Variants in MOV10L1 observed in about 807,000 individuals in gnomAD.
The protein encoded by MOV10L1 is RNA helicase Mov10l1.
A neutral mutation model predicts 143.8 loss-of-function variants in MOV10L1; 110 were observed. The ratio of observed to expected loss-of-function variants is 0.76; its 90% CI spans 0.66 to 0.90. The LOEUF is 0.90. Among genes scored for constraint, MOV10L1 ranks in the 40% least tolerant of loss-of-function variants. MOV10L1 has a pLI of 0.00. For synonymous variants in MOV10L1, 593 were observed against 581.1 expected, an observed-to-expected ratio of 1.02 and a Z score of -0.29; for missense variants, 1,406 against 1,526.8, an observed-to-expected ratio of 0.92 and a Z score of 1.32.
At chr22:50,106,514 G>A (rs900997821) in intron 3 of MOV10L1, among the ~76,000 whole-genome samples, 1 of 151,374 alleles carries the variant, frequency 6.6e-6, no homozygotes, top group South Asian at 2.1e-4. Context: ...TAAAGTAACT[G>A]TACAACGTAT....
chr22:50,101,914 A>T (rs2061754544), intron 3 of MOV10L1, among the ~76,000 whole-genome samples: 1 of 152,166 alleles, frequency 6.6e-6, no homozygotes, highest in Non-Finnish European at 1.5e-5. Flanking sequence ...AGTTCTGGGG[A>T]AAGGCGCCTA....
chr22:50,137,239 A>G, intron 15 of MOV10L1, among the ~76,000 whole-genome samples: 1 of 152,222 alleles, frequency 6.6e-6, no homozygotes, highest in African/African-American at 2.4e-5. Flanking sequence ...AGACAAGGAC[A>G]TTAAAACAGT....
At chr22:50,135,548 C>T (rs949583937) in intron 15 of MOV10L1, among the ~76,000 whole-genome samples, 2 of 151,612 alleles carry the variant, frequency 1.3e-5, no homozygotes, top group Non-Finnish European at 2.9e-5. Flanking sequence ...ATCAGGAGTT[C>T]AAGACCAGCC....
At chr22:50,144,282 C>T (rs1260456076) in intron 18 of MOV10L1, 39 bp downstream of exon 18, 3 of 1,566,392 alleles carry the variant, frequency 1.9e-6, no homozygotes, top group Admixed American at 1.7e-5. Flanking sequence ...CACCAGAACC[C>T]CTCCCTGGAA....
intron 15 of MOV10L1, among the ~76,000 whole-genome samples, chr22:50,136,264 C>G (rs1356382820): frequency 6.6e-6 from 1 of 152,044 alleles, no homozygotes; most frequent in Non-Finnish European, 1.5e-5. Context: ...CGGGGAGAGT[C>G]TGTGGTGCAG....
chr22:50,137,795 CATATTTTATATATATACATATATAAAT>C (rs1427661879), intron 15 of MOV10L1, among the ~76,000 whole-genome samples: 9 of 90,772 alleles, frequency 9.9e-5, no homozygotes, highest in Non-Finnish European at 1.9e-4. Context: ...TATAAATATA[CATATTTTATATATATACATATATAAAT>C]ATACATATTT....
rs1229838071 is a variant in MOV10L1 at position 50,120,540 on chromosome 22, A to T, written c.1493A>T (p.Tyr498Phe). 1 of 1,612,978 alleles carries T rather than the reference A, an allele frequency of 6.2e-7. No homozygotes were observed. Among genetic ancestry groups the T allele is most frequent in the Non-Finnish European group, 8.5e-7 (1 of 1,179,598 alleles). The change falls in exon 10 of 27, where the codon TAT becomes TTT. Residue 498 changes from tyrosine to phenylalanine, a missense_variant. Physicochemically the swap from Tyr to Phe is conservative, Grantham distance 22. Coordinates refer to ENST00000262794, the MANE Select transcript of MOV10L1 (RefSeq NM_018995.3). ...CAACTTCCAAGTTTTCTTCCCCAAT[A>T]TCCAATCCCAGATAGACTTAGAAAA... ...RRQLPSFLPQYPIPDRLRKCV... is the reference protein window; with the variant it reads ...RRQLPSFLPQFPIPDRLRKCV...
In MOV10L1 at chr22:50,145,608, T is replaced by C. The variant is rs2063131470; in HGVS notation, c.2506-81T>C. 4 of 1,555,914 alleles carry C rather than the reference T, an allele frequency of 2.6e-6. No homozygotes were observed. In the Admixed American group the frequency reaches 6.8e-5, roughly 27 times the overall value. On this transcript the variant is annotated intron_variant, in intron 18 of 26. Transcript: ENST00000262794. ...TCATGACTTAGACGTAACTAAGAAG[T>C]GGTACCAGGGCAAGGTTCCCTTTTG... is the stretch of plus-strand genomic sequence containing the variant.
At chr22:50,125,230 C>T (rs1401981528) in intron 10 of MOV10L1, among the ~76,000 whole-genome samples, 162 bp from the exon 11 acceptor site, 1 of 152,248 alleles carries the variant, frequency 6.6e-6, no homozygotes, top group Non-Finnish European at 1.5e-5. Flanking sequence ...GTGCTGAAGG[C>T]CGGGGAACTT....
chr22:50,133,145 A>C (rs1406706132), intron 13 of MOV10L1, among the ~76,000 whole-genome samples: 1 of 152,038 alleles, frequency 6.6e-6, no homozygotes, highest in East Asian at 1.9e-4. Flanking sequence ...AGTGTGGAAT[A>C]GAAGTGGTGG....
At chr22:50,145,418 A>T (rs1408587817) in intron 18 of MOV10L1, among the ~76,000 whole-genome samples, 1 of 152,088 alleles carries the variant, frequency 6.6e-6, no homozygotes, top group African/African-American at 2.4e-5. Context: ...CAAGAGCAAG[A>T]CTCCCTCTCT....
rs548981621 is a variant in MOV10L1, at chr22:50,149,156, G to A, written c.2628-459G>A. On this transcript the variant is annotated intron_variant, in intron 19 of 26. Transcript: ENST00000262794. ...AGGCCTGTTCTCAGCGCTTTACAGC[G>A]GCCAGTTCAGCTGCTCTCACCTCAG... Among the ~76,000 whole-genome samples the A allele has an allele frequency of 7.0e-4, 107 of 152,350 alleles. 1 individual carries two copies. The highest frequency in any genetic ancestry group is 2.1e-3 in the African/African-American group (86 of 41,590).
intron 2 of MOV10L1, chr22:50,095,175 A>G (rs1009684778): frequency 2.6e-5 from 4 of 152,238 alleles, no homozygotes; most frequent in Admixed American, 2.6e-4. Flanking sequence ...GTGAATGCAA[A>G]GTAGAAGAGC....
intron 10 of MOV10L1, among the ~76,000 whole-genome samples, chr22:50,120,820 GC>G (rs1201454541): frequency 6.6e-6 from 1 of 152,230 alleles, no homozygotes; most frequent in East Asian, 1.9e-4. Context: ...TACACCAGGG[GC>G]TGGCATCCCA....
At chr22:50,124,857 C>T (rs1339427910) in intron 10 of MOV10L1, among the ~76,000 whole-genome samples, 2 of 152,344 alleles carry the variant, frequency 1.3e-5, no homozygotes, top group Admixed American at 6.5e-5. Context: ...TGTTCAGGCA[C>T]AGGTGGATCA....
At chr22:50,123,115 G>A (rs1241765405) in intron 10 of MOV10L1, among the ~76,000 whole-genome samples, 1 of 150,534 alleles carries the variant, frequency 6.6e-6, no homozygotes, top group Non-Finnish European at 1.5e-5. Context: ...GGAGGCGCTT[G>A]AGCCCAAGAG....
At chr22:50,120,335 C>T (rs577446794) in intron 9 of MOV10L1, among the ~76,000 whole-genome samples, 167 bp from the exon 10 acceptor site, 80 of 152,278 alleles carry the variant, frequency 5.3e-4, no homozygotes, top group Admixed American at 2.1e-3. Flanking sequence ...AGAGCTAAAA[C>T]GAAAGCTTCA....
At chr22:50,110,357 G>T (rs2061990236) in intron 5 of MOV10L1, among the ~76,000 whole-genome samples, 1 of 151,558 alleles carries the variant, frequency 6.6e-6, no homozygotes, top group African/African-American at 2.4e-5. Context: ...GCTGAGGCAG[G>T]AGAATGGCGT....
intron 2 of MOV10L1, among the ~76,000 whole-genome samples, chr22:50,098,244 ATTAT>A (rs1192570577): frequency 7.0e-6 from 1 of 143,416 alleles, no homozygotes; most frequent in Non-Finnish European, 1.5e-5. Context: ...CTTAATAATA[ATTAT>A]TAAGATTAAC....
Sources: gnomAD v4.1 joint callset for allele counts (sites outside exome capture counted in the v4.1 genomes callset) on GRCh38, gnomAD v4.1.1 for gene constraint, MANE v1.5 for transcripts, NCBI Gene and HGNC (gene_info 2026-07-23, HGNC 2026-07-21) for gene names.